The following KIF1B variants were observed in gnomAD, a reference collection of about 807,000 sequenced individuals.
KIF1B encodes kinesin family member 1B, also known as kinesin-like protein KIF1B.
Under a neutral mutation model 241.9 loss-of-function variants are expected in KIF1B, and 76 were observed. That is an observed-to-expected ratio of 0.31 (90% CI 0.26 to 0.38). The LOEUF (loss-of-function observed/expected upper bound fraction) is 0.38, where lower values mean the gene tolerates loss of function less well. Among genes scored for constraint, KIF1B ranks in the 10% least tolerant of loss-of-function variants. The pLI, the probability that KIF1B is intolerant of heterozygous loss-of-function variation, is 1.00. For synonymous variants in KIF1B, 750 were observed against 796.7 expected (o/e 0.94, Z 0.99); for missense variants, 1,622 against 2,271.4 (o/e 0.71, Z 5.81).
rs535869886 is a variant in KIF1B, at chr1:10,334,601, G to A, written c.3006G>A (p.Val1002=). 30 of 1,614,098 alleles carry A rather than the reference G, an allele frequency of 1.9e-5. 1 individual carries two copies. In the South Asian group the frequency reaches 2.5e-4, roughly 14 times the overall value. ...CCATCGTCAGTGAGAAAGGTGAAGT[G>A]CGGGGATTTCTGCGTGTGGCTGTAC... ...RVAIVSEKGE[V]RGFLRVAVQA... is the part of the protein sequence containing the mutation. Residue 1002 remains valine, a synonymous_variant, in exon 28 of 49, where the codon GTG becomes GTA. Coordinates refer to ENST00000676179, the MANE Select transcript of KIF1B (RefSeq NM_001365951.3).
At chr1:10,359,224 A>C (rs1322476677) in intron 38 of KIF1B, among the ~76,000 whole-genome samples, 1 of 152,230 alleles carries the variant, frequency 6.6e-6, no homozygotes, top group Non-Finnish European at 1.5e-5. Context: ...GGAAGTCTAG[A>C]AAAGGCAGCC....
At chr1:10,343,196 T>C (rs781096526) in intron 33 of KIF1B, 36 bp from the exon 34 acceptor site, 21 of 1,611,246 alleles carry the variant, frequency 1.3e-5, no homozygotes, top group Non-Finnish European at 1.8e-5. Flanking sequence ...TAAATAACTC[T>C]TTATAGTCTT....
intron 15 of KIF1B, among the ~76,000 whole-genome samples, chr1:10,288,465 G>A (rs1401858880): frequency 5.3e-5 from 8 of 152,272 alleles, no homozygotes; most frequent in African/African-American, 1.9e-4. Flanking sequence ...ATGCCATTCA[G>A]GTAGCTGTTT....
At chr1:10,333,979 C>T (rs1448006859) in intron 27 of KIF1B, among the ~76,000 whole-genome samples, 2 of 151,454 alleles carry the variant, frequency 1.3e-5, no homozygotes, top group African/African-American at 2.4e-5. Flanking sequence ...GGTGAAACCC[C>T]ATCTCTATTA....
At chr1:10,273,709 C>CAAAAAAAAAAAAAAAAAAAAAAA (rs56349613) in intron 10 of KIF1B, among the ~76,000 whole-genome samples, 1 of 49,578 alleles carries the variant, frequency 2.0e-5, no homozygotes, top group African/African-American at 7.9e-5. Context: ...TCCTCCTCCT[C>CAAAAAAAAAAAAAAAAAAAAAAA]AAAAAAAAAA....
At chr1:10,343,782 A>C (rs1652487441) in intron 34 of KIF1B, among the ~76,000 whole-genome samples, 1 of 146,446 alleles carries the variant, frequency 6.8e-6, no homozygotes, top group South Asian at 2.1e-4. Flanking sequence ...ATAAAATAAA[A>C]TAAAGTAATA....
At chr1:10,231,760 C>T (rs1030504907) in intron 1 of KIF1B, among the ~76,000 whole-genome samples, 11 of 152,002 alleles carry the variant, frequency 7.2e-5, no homozygotes, top group Non-Finnish European at 1.6e-4. Context: ...ACTTCTTTAG[C>T]CAATAAACAT....
At chr1:10,225,128 A>AAAAC (rs1557647624) in intron 1 of KIF1B, among the ~76,000 whole-genome samples, 2 of 152,144 alleles carry the variant, frequency 1.3e-5, no homozygotes, top group Non-Finnish European at 2.9e-5. Context: ...CTGGTTTTTA[A>AAAAC]CAGGCCACAG....
At position 10,365,101 on chromosome 1, in the gene KIF1B, T is replaced by C. The variant is rs1313737843; in HGVS notation, c.4368T>C (p.Gly1456=). The part of the protein sequence containing the change: ...LCKMSDTGSP[G]MQRRRRKILD... Reference sequence around the variant, plus strand: ...AAAACTTGTTTCCTCTTGTCTTAGGTATGCAGAGAAGGAGAAGAAAAATCT... The same window carrying C: ...AAAACTTGTTTCCTCTTGTCTTAGGCATGCAGAGAAGGAGAAGAAAAATCT... The change falls in exon 42 of 49, where the codon GGT becomes GGC. Residue 1456 remains glycine (G), a splice_region_variant and synonymous_variant. Coordinates refer to ENST00000676179, the MANE Select transcript of KIF1B (RefSeq NM_001365951.3). The surrounding 1 kb of genome is among the most constrained non-coding windows in gnomAD (Gnocchi z 4.0). 1.9e-6 allele frequency: 3 copies of C among 1,613,756 alleles called. No homozygotes were observed. The South Asian group carries it at 3.3e-5, about 18-fold the overall frequency.
intron 43 of KIF1B, among the ~76,000 whole-genome samples, chr1:10,367,899 T>C (rs1638620887): frequency 6.6e-6 from 1 of 151,936 alleles, no homozygotes; most frequent in African/African-American, 2.4e-5. Context: ...CAGCTAATTT[T>C]CTTATTTTTA....
chr1:10,291,027 G>T, intron 15 of KIF1B, 55 bp from the exon 16 acceptor site: 1 of 1,358,302 alleles, frequency 7.4e-7, no homozygotes, highest in Non-Finnish European at 1.1e-6. Context: ...TTTCTAGCAT[G>T]GTATGTTAAA....
chr1:10,334,477 T>G (rs777732322), intron 27 of KIF1B, 43 bp from the exon 28 acceptor site: 1 of 1,417,952 alleles, frequency 7.1e-7, no homozygotes, highest in East Asian at 2.3e-5. Flanking sequence ...AGTTTATCTC[T>G]CCATGGATGT....
In KIF1B at chr1:10,212,276, G is replaced by A. The variant is rs544993055; in HGVS notation, c.-80+1398G>A. Among the ~76,000 whole-genome samples the A allele has an allele frequency of 1.4e-3, 213 of 152,310 alleles. 1 individual carries two copies. The highest frequency in any genetic ancestry group is 5.0e-3 in the African/African-American group (206 of 41,564). On this transcript the variant is annotated intron_variant, in intron 1 of 48. Coordinates refer to ENST00000676179, the MANE Select transcript of KIF1B (RefSeq NM_001365951.3). ...TTAGTCATAACAAAATCTAGTTCTT[G>A]TGTTCCTCTAAGAAGTGAGGTGGTG...
At chr1:10,243,379 A>G (rs1474797688) in intron 2 of KIF1B, among the ~76,000 whole-genome samples, 1 of 152,256 alleles carries the variant, frequency 6.6e-6, no homozygotes, top group African/African-American at 2.4e-5. Flanking sequence ...AGTTCGTGCC[A>G]CTGCACTCCA....
chr1:10,254,094 T>G (rs1368057934), intron 2 of KIF1B, among the ~76,000 whole-genome samples: 2 of 152,234 alleles, frequency 1.3e-5, no homozygotes, highest in Non-Finnish European at 2.9e-5. Context: ...CCACATGCCA[T>G]AAAGATTCTG....
intron 34 of KIF1B, chr1:10,345,596 A>G: frequency 4.2e-6 from 2 of 479,472 alleles, no homozygotes; most frequent in Non-Finnish European, 3.8e-6. Flanking sequence ...CTGTTTTCTC[A>G]TCATTAGAGA....
chr1:10,311,474 A>G lies in KIF1B; in HGVS notation c.2116-8569A>G, dbSNP rs1026550355. On this transcript the variant is annotated intron_variant, in intron 22 of 48. Transcript: ENST00000676179. ...GTGATCCACCTGTCTCAGCCTCCCA[A>G]AGTGCTGGGATTACGGGTGTGAGCC... 3.3e-5 allele frequency among the ~76,000 whole-genome samples: 5 copies of G among 151,040 alleles called. 1 individual carries two copies. The highest frequency in any genetic ancestry group is 7.4e-5 in the African/African-American group (3 of 40,500).
rs1269150444 is a variant in KIF1B at position 10,312,047 on chromosome 1, T to TGCCCC, written c.2116-7992_2116-7991insCGCCC. The stretch of plus-strand genomic sequence containing the variant: ...GGGAGTCATTCTGTCTGCAAACCTC[T>TGCCCC]GCCCTGCCTCGCCTTCTGCTGACTC... On this transcript the variant is annotated intron_variant, in intron 22 of 48. Transcript: ENST00000676179. Among the ~76,000 whole-genome samples the TGCCCC allele has an allele frequency of 2.0e-3, 308 of 151,498 alleles. 11 individuals are homozygous for TGCCCC. The highest frequency in any genetic ancestry group is 7.2e-3 in the African/African-American group (293 of 40,806).
intron 37 of KIF1B, among the ~76,000 whole-genome samples, chr1:10,351,568 C>T (rs1264047432): frequency 6.6e-6 from 1 of 152,186 alleles, no homozygotes; most frequent in Non-Finnish European, 1.5e-5. Flanking sequence ...GGAACCCAGG[C>T]AGTCCAGCAC....
Sources: allele counts gnomAD v4.1 joint callset (sites outside exome capture counted in the v4.1 genomes callset), GRCh38; gene constraint gnomAD v4.1.1; non-coding constraint Gnocchi (gnomAD v3.1); transcripts MANE v1.5; gene names NCBI Gene and HGNC (gene_info 2026-07-23, HGNC 2026-07-21).